C1orf21: variants seen among roughly 807,000 people sequenced by gnomAD.
The protein encoded by C1orf21 is uncharacterized protein C1orf21.
Under a neutral mutation model 18.7 loss-of-function variants are expected in C1orf21, and 3 were observed. The observed-to-expected ratio is 0.16, with a 90% confidence interval of 0.07 to 0.42. The LOEUF (loss-of-function observed/expected upper bound fraction) is 0.42, where lower values mean the gene tolerates loss of function less well. Among genes scored for constraint, C1orf21 ranks in the 10% least tolerant of loss-of-function variants. C1orf21 has a pLI of 0.99. For synonymous variants in C1orf21, 41 were observed against 46.4 expected (o/e 0.88, Z 0.47); for missense variants, 104 against 143.6 (o/e 0.72, Z 1.41).
At chr1:184,543,782 G>T (rs1658691698) in intron 3 of C1orf21, among the ~76,000 whole-genome samples, 1 of 152,168 alleles carries the variant, frequency 6.6e-6, no homozygotes, top group Non-Finnish European at 1.5e-5. Flanking sequence ...GACTTACAAT[G>T]ATTTCAGATG....
chr1:184,595,352 C>A (rs1170890505), intron 4 of C1orf21, among the ~76,000 whole-genome samples: 1 of 152,242 alleles, frequency 6.6e-6, no homozygotes, highest in African/African-American at 2.4e-5. Context: ...CTCATCTCCC[C>A]CACTCACAAT....
rs564748133 is a variant in C1orf21, at chr1:184,518,575, G to T, written c.189+10893G>T. ...ACATACACAGAAATTAATGACTCCG[G>T]TGGCTTTTGAAGCAACTACATGACT... On this transcript the variant is annotated intron_variant, in intron 3 of 5. Transcript: ENST00000235307. 1.9e-3 allele frequency among the ~76,000 whole-genome samples: 290 copies of T among 152,218 alleles called. 1 individual carries two copies. The highest frequency in any genetic ancestry group is 5.6e-3 in the Admixed American group (85 of 15,278).
At chr1:184,599,000 A>T (rs1203353632) in intron 5 of C1orf21, among the ~76,000 whole-genome samples, 2 of 152,200 alleles carry the variant, frequency 1.3e-5, no homozygotes, top group Non-Finnish European at 2.9e-5. Flanking sequence ...GACAAGTTGG[A>T]ATTCCAGCCC....
chr1:184,557,096 C>G (rs1431211154), intron 3 of C1orf21, among the ~76,000 whole-genome samples: 1 of 152,042 alleles, frequency 6.6e-6, no homozygotes, highest in Non-Finnish European at 1.5e-5. Context: ...GCTCTCTGCT[C>G]CCACCTTTGC....
At chr1:184,520,019 T>C (rs1401771437) in intron 3 of C1orf21, among the ~76,000 whole-genome samples, 4 of 152,196 alleles carry the variant, frequency 2.6e-5, no homozygotes, top group African/African-American at 9.6e-5. Context: ...GGAGGAATAT[T>C]GTTTAGCTTG....
intron 3 of C1orf21, among the ~76,000 whole-genome samples, chr1:184,577,627 G>T (rs1659211883): frequency 6.6e-6 from 1 of 152,026 alleles, no homozygotes; most frequent in Non-Finnish European, 1.5e-5. Flanking sequence ...AAAATGATCT[G>T]CCTGTAAGAA....
intron 1 of C1orf21, among the ~76,000 whole-genome samples, chr1:184,453,603 G>C (rs1004649717): frequency 3.3e-5 from 5 of 152,074 alleles, no homozygotes; most frequent in Non-Finnish European, 7.4e-5. Flanking sequence ...CCTTGACTTT[G>C]CTTGATACTG....
intron 3 of C1orf21, among the ~76,000 whole-genome samples, chr1:184,526,635 T>A (rs1324942491): frequency 6.6e-6 from 1 of 152,188 alleles, no homozygotes; most frequent in East Asian, 1.9e-4. Flanking sequence ...CTAATAATTT[T>A]GCAAAAACCT....
intron 3 of C1orf21, among the ~76,000 whole-genome samples, chr1:184,508,038 T>C (rs1658093510): frequency 2.0e-5 from 3 of 152,202 alleles, no homozygotes; most frequent in African/African-American, 4.8e-5. Flanking sequence ...TCAGGATGAA[T>C]GGTTGTTTCA....
At chr1:184,525,073 T>G (rs922909468) in intron 3 of C1orf21, among the ~76,000 whole-genome samples, 4 of 152,038 alleles carry the variant, frequency 2.6e-5, no homozygotes, top group African/African-American at 9.7e-5. Context: ...TTTTGCAGTA[T>G]GGTGATATTT....
At chr1:184,502,466 A>G (rs891334778) in intron 2 of C1orf21, among the ~76,000 whole-genome samples, 1 of 152,032 alleles carries the variant, frequency 6.6e-6, no homozygotes, top group Non-Finnish European at 1.5e-5. Flanking sequence ...GCAACCACCA[A>G]GCAATAATAA....
intron 3 of C1orf21, among the ~76,000 whole-genome samples, chr1:184,517,086 AG>A (rs1334402770): frequency 1.3e-5 from 2 of 152,228 alleles, no homozygotes; most frequent in South Asian, 2.1e-4. Flanking sequence ...CATTCACTGT[AG>A]GTCAGTAGGA....
chr1:184,506,890 T>C (rs1293309673), intron 2 of C1orf21, among the ~76,000 whole-genome samples: 1 of 152,120 alleles, frequency 6.6e-6, no homozygotes, highest in African/African-American at 2.4e-5. Context: ...CAGCCTTGAC[T>C]GATGTACCTA....
intron 3 of C1orf21, among the ~76,000 whole-genome samples, chr1:184,525,885 A>C (rs138669820): frequency 6.0e-4 from 92 of 152,268 alleles, no homozygotes; most frequent in African/African-American, 2.2e-3. Flanking sequence ...ATCTCTGTGG[A>C]GCATCAGTGG....
chr1:184,440,917 A>AG (rs1656933425), intron 1 of C1orf21, among the ~76,000 whole-genome samples: 1 of 152,204 alleles, frequency 6.6e-6, no homozygotes, highest in African/African-American at 2.4e-5. Context: ...TTGAATGTTG[A>AG]CACCAGAGAT....
At chr1:184,515,694 T>C (rs1302844140) in intron 3 of C1orf21, among the ~76,000 whole-genome samples, 17 of 152,222 alleles carry the variant, frequency 1.1e-4, no homozygotes, top group Non-Finnish European at 2.5e-4. Flanking sequence ...ATTATTGCTT[T>C]AATTAACATT....
chr1:184,519,842 G>A (rs1658281738), intron 3 of C1orf21, among the ~76,000 whole-genome samples: 1 of 152,102 alleles, frequency 6.6e-6, no homozygotes, highest in South Asian at 2.1e-4. Flanking sequence ...CTTCATTTGT[G>A]AGCAAATAAT....
intron 3 of C1orf21, among the ~76,000 whole-genome samples, chr1:184,587,655 GTT>G (rs3034488): frequency 1.6e-5 from 2 of 127,994 alleles, no homozygotes; most frequent in Admixed American, 8.0e-5. Context: ...TTTTTGTATG[GTT>G]TTTTTTTTTT....
intron 1 of C1orf21, among the ~76,000 whole-genome samples, chr1:184,417,473 A>G (rs60807093): frequency 0.015 from 2,302 of 152,282 alleles, 72 homozygotes; most frequent in African/African-American, 0.051. Flanking sequence ...AAATATCTGC[A>G]AATTATAGAC....
Sources: gnomAD v4.1 joint callset for allele counts (sites outside exome capture counted in the v4.1 genomes callset) on GRCh38, gnomAD v4.1.1 for gene constraint, MANE v1.5 for transcripts, NCBI Gene and HGNC (gene_info 2026-07-23, HGNC 2026-07-21) for gene names.